Variants in PCSK6 observed in about 807,000 individuals in gnomAD.
PCSK6 encodes proprotein convertase subtilisin/kexin type 6, also known as paired basic amino acid cleaving enzyme 4.
PCSK6 carries 85 observed loss-of-function variants against 123.3 expected under a neutral mutation model. The ratio of observed to expected loss-of-function variants is 0.69; its 90% CI spans 0.58 to 0.83. The LOEUF is 0.83. PCSK6 is among the 40% of genes least tolerant of loss of function. The probability of loss-of-function intolerance (pLI) is 0.00; values close to 1 mark genes in which losing one functional copy is unlikely to be tolerated. For synonymous variants in PCSK6, 508 were observed against 516.0 expected (o/e 0.98, Z 0.21); for missense variants, 1,191 against 1,282.3 (o/e 0.93, Z 1.09).
At chr15:101,487,380 G>A (rs1430671265) in intron 1 of PCSK6, among the ~76,000 whole-genome samples, 3 of 152,234 alleles carry the variant, frequency 2.0e-5, no homozygotes, top group Admixed American at 6.5e-5. Flanking sequence ...AATATCCTGG[G>A]TACGGAGTGT....
chr15:101,468,471 GC>G (rs1346112348), intron 1 of PCSK6, among the ~76,000 whole-genome samples: 19 of 152,198 alleles, frequency 1.2e-4, no homozygotes, highest in Admixed American at 1.2e-3. Flanking sequence ...TTAGCAGGAT[GC>G]AAACTCTCCA....
intron 1 of PCSK6, 136 bp downstream of exon 1, chr15:101,489,238 G>T (rs2058100856): frequency 4.5e-6 from 2 of 441,026 alleles, no homozygotes; most frequent in Admixed American, 8.8e-5. Flanking sequence ...GCCGCCCGCC[G>T]TCCCCAAGCG....
At chr15:101,355,720 G>A (rs150902587) in intron 13 of PCSK6, among the ~76,000 whole-genome samples, 38 of 152,358 alleles carry the variant, frequency 2.5e-4, no homozygotes, top group African/African-American at 7.2e-4. Flanking sequence ...GCATGCATCC[G>A]GCATGCCCAT....
intron 13 of PCSK6, among the ~76,000 whole-genome samples, chr15:101,357,347 C>T (rs2041072909): frequency 6.6e-6 from 1 of 152,244 alleles, no homozygotes; most frequent in Non-Finnish European, 1.5e-5. Flanking sequence ...TCGGCATCGA[C>T]GAGGCTGACA....
At chr15:101,323,967 C>CTAT (rs2040191577) in intron 17 of PCSK6, among the ~76,000 whole-genome samples, 2 of 152,296 alleles carry the variant, frequency 1.3e-5, no homozygotes, top group Admixed American at 1.3e-4. Context: ...GTCAATTTAA[C>CTAT]CCAAGCCCTG....
At chr15:101,421,617 G>A (rs2056088214) in intron 6 of PCSK6, among the ~76,000 whole-genome samples, 1 of 152,218 alleles carries the variant, frequency 6.6e-6, no homozygotes. Flanking sequence ...TACACACAGT[G>A]AGGAATCAGG....
intron 12 of PCSK6, 70 bp downstream of exon 12, chr15:101,370,265 G>A: frequency 7.6e-7 from 1 of 1,319,592 alleles, no homozygotes; most frequent in Non-Finnish European, 1.0e-6. Context: ...GCCCAAGACT[G>A]GACAGAAGCT....
At chr15:101,308,411 C>T (rs543809743) in intron 20 of PCSK6, 1 of 152,472 alleles carries the variant, frequency 6.6e-6, no homozygotes, top group African/African-American at 2.4e-5. Context: ...CACCAGGCCT[C>T]CTCGTGGGGC....
At chr15:101,455,328 A>G (rs2057151901) in intron 1 of PCSK6, among the ~76,000 whole-genome samples, 1 of 152,222 alleles carries the variant, frequency 6.6e-6, no homozygotes, top group South Asian at 2.1e-4. Context: ...AGTGCTGCCC[A>G]GCTGTTATTA....
chr15:101,361,166 T>C (rs7164712), intron 13 of PCSK6, among the ~76,000 whole-genome samples: 1,956 of 120,040 alleles, frequency 0.016, 20 homozygotes, highest in South Asian at 0.044. Flanking sequence ...TTCTCTCTCT[T>C]TTTTTTTTTT....
chr15:101,321,332 C>T (rs1043230041), intron 18 of PCSK6, among the ~76,000 whole-genome samples: 4 of 152,212 alleles, frequency 2.6e-5, no homozygotes, highest in Admixed American at 6.5e-5. Flanking sequence ...CCTTGCTTTG[C>T]CTTCCCTCTC....
In PCSK6 at chr15:101,313,455, CGTGGAA is replaced by C. The variant is rs751655319; in HGVS notation, c.2614_2619del (p.Phe872_His873del). The C allele has an allele frequency of 1.5e-5, 24 of 1,611,738 alleles. No homozygotes were observed. In the South Asian group the frequency reaches 1.8e-4, roughly 12 times the overall value. On this transcript the variant is annotated inframe_deletion, in exon 20 of 22. Transcript: ENST00000611716. ...CCACAGGCTGGCACACACTTCCAGT[CGTGGAA>C]GTGGAAGTTTTTCGCACAGTGAATG...
intron 1 of PCSK6, among the ~76,000 whole-genome samples, chr15:101,461,865 C>G (rs2057347281): frequency 6.6e-6 from 1 of 152,168 alleles, no homozygotes; most frequent in African/African-American, 2.4e-5. Context: ...AAATATCAAT[C>G]TTAATGTGGA....
intron 10 of PCSK6, 63 bp from the exon 11 acceptor site, chr15:101,382,272 G>T: frequency 7.6e-7 from 1 of 1,310,540 alleles, no homozygotes. Context: ...AGCAAGGCTG[G>T]CTCTTGCATC....
chr15:101,379,389 G>A (rs986565871), intron 11 of PCSK6, among the ~76,000 whole-genome samples: 4 of 152,202 alleles, frequency 2.6e-5, no homozygotes, highest in Non-Finnish European at 4.4e-5. Context: ...GAGGACTCCC[G>A]TGCTTAACAT....
intron 2 of PCSK6, among the ~76,000 whole-genome samples, chr15:101,435,916 C>T (rs938517906): frequency 3.9e-5 from 6 of 152,340 alleles, no homozygotes; most frequent in Admixed American, 6.5e-5. Flanking sequence ...CTTGTCCAAG[C>T]ATCCTTTCAG....
chr15:101,365,146 C>T (rs968044715), intron 13 of PCSK6: 25 of 542,390 alleles, frequency 4.6e-5, no homozygotes, highest in African/African-American at 4.0e-4. Flanking sequence ...AAAAATAATT[C>T]AAAATGGATC....
chr15:101,411,323 CAG>C (rs1300409865), intron 6 of PCSK6, among the ~76,000 whole-genome samples: 1 of 152,152 alleles, frequency 6.6e-6, no homozygotes, highest in East Asian at 1.9e-4. Context: ...GGGACAGCAG[CAG>C]AGTCATCTTG....
chr15:101,470,786 G>A lies in PCSK6; in HGVS notation c.297+18588C>T, dbSNP rs111750676. On this transcript the variant is annotated intron_variant, in intron 1 of 21. Coordinates refer to ENST00000611716, the MANE Select transcript of PCSK6 (RefSeq NM_002570.5). ...GCTGCATTTGCCCTGGTACATCCCC[G>A]GGGTTACACAGGATCAGGATTCCGA... 8.7e-3 allele frequency among the ~76,000 whole-genome samples: 1,319 copies of A among 152,210 alleles called. 8 individuals are homozygous for A. The highest frequency in any genetic ancestry group is 0.014 in the Non-Finnish European group (947 of 68,012).
Sources: allele counts gnomAD v4.1 joint callset (sites outside exome capture counted in the v4.1 genomes callset), GRCh38; gene constraint gnomAD v4.1.1; transcripts MANE v1.5; gene names NCBI Gene and HGNC (gene_info 2026-07-23, HGNC 2026-07-21).